TMCC1: variants seen among roughly 807,000 people sequenced by gnomAD.
TMCC1 encodes transmembrane and coiled-coil domain family 1.
TMCC1 carries 15 observed loss-of-function variants against 52.4 expected under a neutral mutation model. The observed-to-expected ratio is 0.29, with a 90% CI of 0.19 to 0.44. TMCC1 has a LOEUF of 0.44. Among genes scored for constraint, TMCC1 ranks in the 20% least tolerant of loss-of-function variants. TMCC1 has a pLI of 1.00. For missense variants in TMCC1, 503 were observed against 806.0 expected (o/e 0.62, Z 4.55); for synonymous variants, 279 against 301.9 (o/e 0.92, Z 0.79).
At chr3:129,675,126 G>A (rs1190800376) in intron 4 of TMCC1, among the ~76,000 whole-genome samples, 2 of 152,156 alleles carry the variant, frequency 1.3e-5, no homozygotes, top group Non-Finnish European at 2.9e-5. Context: ...GAGCCACTGT[G>A]CCCGGCCATA....
At chr3:129,811,528 A>G (rs2811329) in intron 4 of TMCC1, among the ~76,000 whole-genome samples, 131,775 of 152,116 alleles carry the variant, frequency 0.87, 57,774 homozygotes, top group East Asian at 1. Context: ...TCAGCCTCCC[A>G]AAGTGCTGGG....
chr3:129,781,089 C>A (rs1427167097), intron 4 of TMCC1, among the ~76,000 whole-genome samples: 1 of 152,058 alleles, frequency 6.6e-6, no homozygotes, highest in African/African-American at 2.4e-5. Context: ...AACCTCTTAC[C>A]ACACTATTTA....
chr3:129,871,771 T>C (rs1426945135), intron 2 of TMCC1, among the ~76,000 whole-genome samples: 2 of 151,806 alleles, frequency 1.3e-5, no homozygotes, highest in East Asian at 3.9e-4. Context: ...AAAGAAAAAA[T>C]GTGTAATCAA....
At chr3:129,817,240 T>C (rs1308220568) in intron 4 of TMCC1, among the ~76,000 whole-genome samples, 1 of 152,178 alleles carries the variant, frequency 6.6e-6, no homozygotes, top group Admixed American at 6.5e-5. Context: ...TCAACTGTTA[T>C]TTAAAACCAA....
intron 4 of TMCC1, among the ~76,000 whole-genome samples, chr3:129,768,606 A>G (rs2054309336): frequency 6.6e-6 from 1 of 152,244 alleles, no homozygotes. Context: ...TTGCAAAGAA[A>G]AACATGGATC....
chr3:129,719,069 T>C (rs903697914), intron 4 of TMCC1, among the ~76,000 whole-genome samples: 1 of 152,204 alleles, frequency 6.6e-6, no homozygotes, highest in African/African-American at 2.4e-5. Context: ...TGTATGCTAA[T>C]AAGACGGCTG....
intron 2 of TMCC1, among the ~76,000 whole-genome samples, chr3:129,854,596 C>T (rs2060068716): frequency 6.6e-6 from 1 of 152,062 alleles, no homozygotes; most frequent in Admixed American, 6.6e-5. Context: ...GCCATGCTAG[C>T]CTTAATTAGG....
At chr3:129,814,551 CA>C (rs1264992720) in intron 4 of TMCC1, among the ~76,000 whole-genome samples, 9 of 152,006 alleles carry the variant, frequency 5.9e-5, no homozygotes, top group African/African-American at 1.7e-4. Context: ...CCTTACTTAT[CA>C]AAAATAACAC....
chr3:129,707,700 G>A (rs1007514765), intron 4 of TMCC1, among the ~76,000 whole-genome samples: 8 of 152,148 alleles, frequency 5.3e-5, no homozygotes, highest in African/African-American at 1.2e-4. Context: ...TTGGGAGGCC[G>A]AGGCGGGCGG....
rs186007070 is a variant in TMCC1 at position 129,698,343 on chromosome 3, A to C, written c.577-27079T>G. ...CATGAGAACTCACTATCATGGGAAC[A>C]GCATGAGGGTAACTCCCTCATGATT... is the stretch of plus-strand genomic sequence containing the variant. On this transcript the variant is annotated intron_variant, in intron 4 of 6. Transcript: ENST00000393238. Among the ~76,000 whole-genome samples the C allele has an allele frequency of 2.4e-3, 358 of 152,282 alleles. 1 individual carries two copies. Among genetic ancestry groups the C allele is most frequent in the Non-Finnish European group, 4.4e-3 (301 of 68,012 alleles).
rs1017380046 is a variant in TMCC1 at position 129,668,678 on chromosome 3, T to C, written c.1511+1652A>G. Among the ~76,000 whole-genome samples, 31 of 152,212 alleles carry C rather than the reference T, an allele frequency of 2.0e-4. 1 individual carries two copies. Among genetic ancestry groups the C allele is most frequent in the Admixed American group, 1.0e-3 (16 of 15,282 alleles). On this transcript the variant is annotated intron_variant, in intron 5 of 6. Coordinates refer to ENST00000393238, the MANE Select transcript of TMCC1 (RefSeq NM_001017395.5). ...TTTGCTCTTGTTGCCCAGGCTGGAG[T>C]GTGATGGCACGATCTCGGCTCACTG... is the stretch of plus-strand genomic sequence containing the variant.
At chr3:129,667,918 G>A (rs113618317) in intron 5 of TMCC1, among the ~76,000 whole-genome samples, 69 of 152,314 alleles carry the variant, frequency 4.5e-4, no homozygotes, top group African/African-American at 1.6e-3. Flanking sequence ...GGGGTATGGT[G>A]ACTCATACCT....
intron 2 of TMCC1, among the ~76,000 whole-genome samples, chr3:129,853,232 C>T (rs2059995605): frequency 6.6e-6 from 1 of 152,092 alleles, no homozygotes; most frequent in South Asian, 2.1e-4. Flanking sequence ...GTATACACTG[C>T]AGTACATAAA....
intron 4 of TMCC1, among the ~76,000 whole-genome samples, chr3:129,708,967 GCTT>G (rs1182282195): frequency 6.6e-6 from 1 of 152,022 alleles, no homozygotes; most frequent in Non-Finnish European, 1.5e-5. Context: ...AGTAATTAGG[GCTT>G]CTTTTATAAT....
chr3:129,779,941 T>C (rs1482759065), intron 4 of TMCC1, among the ~76,000 whole-genome samples: 2 of 152,176 alleles, frequency 1.3e-5, no homozygotes, highest in Non-Finnish European at 2.9e-5. Flanking sequence ...TTAGCTGCCA[T>C]GCCAGCAGAG....
rs1026175979 is a variant in TMCC1, at chr3:129,858,375, A to C, written c.-184+21934T>G. Among the ~76,000 whole-genome samples, 6 of 3,262 alleles carry C rather than the reference A, an allele frequency of 1.8e-3. No homozygotes were observed. In the East Asian group the frequency reaches 0.12, roughly 65 times the overall value. 2.1% of individuals were successfully genotyped at this position (3,262 alleles called of 152,430 possible). A position where few individuals can be genotyped will look rare whatever the true frequency, so the allele number is the denominator to read the frequency against. ...TTTCTACTATAATTTCCCATTTTAC[A>C]TTTTTGGTTTTTTTTGAGACAGTGT... On this transcript the variant is annotated intron_variant, in intron 2 of 6. Transcript: ENST00000393238.
chr3:129,825,969 T>C (rs1037705328), intron 4 of TMCC1, among the ~76,000 whole-genome samples: 5 of 152,154 alleles, frequency 3.3e-5, no homozygotes, highest in Admixed American at 1.3e-4. Flanking sequence ...AAAGAAACAA[T>C]GTTATGAAAA....
chr3:129,670,848 A>G lies in TMCC1; in HGVS notation c.993T>C (p.Asp331=). 1 of 1,614,062 alleles carries G rather than the reference A, an allele frequency of 6.2e-7. No homozygotes were observed. Among genetic ancestry groups the G allele is most frequent in the Non-Finnish European group, 8.5e-7 (1 of 1,179,986 alleles). ...TGAAGCCAGTCACCTTTGCTCCTAC[A>G]TCCTTCAGACCCTGGTGCATGTCCC... The part of the protein sequence containing the change: ...VFRDMHQGLK[D]VGAKVTGFSE... The change falls in exon 5 of 7, where the codon GAT becomes GAC. Residue 331 remains aspartate (D), a synonymous_variant. Coordinates refer to ENST00000393238, the MANE Select transcript of TMCC1 (RefSeq NM_001017395.5).
At chr3:129,869,381 A>C (rs1311487340) in intron 2 of TMCC1, among the ~76,000 whole-genome samples, 1 of 152,104 alleles carries the variant, frequency 6.6e-6, no homozygotes, top group African/African-American at 2.4e-5. Context: ...GATAAACATA[A>C]GTGTTTTCCT....
Sources: allele counts gnomAD v4.1 joint callset (sites outside exome capture counted in the v4.1 genomes callset), GRCh38; gene constraint gnomAD v4.1.1; transcripts MANE v1.5; gene names NCBI Gene and HGNC (gene_info 2026-07-23, HGNC 2026-07-21).